HIVEP2: variants seen among roughly 807,000 people sequenced by gnomAD.
HIVEP2 encodes HIVEP zinc finger 2, also known as transcription factor HIVEP2.
A neutral mutation model predicts 180.7 loss-of-function variants in HIVEP2; 14 were observed. The observed-to-expected ratio is 0.08, with a 90% CI of 0.05 to 0.12. The LOEUF is 0.12. HIVEP2 is among the 10% of genes least tolerant of loss of function. The pLI is 1.00. For synonymous variants in HIVEP2, 1,184 were observed against 1,136.4 expected, an observed-to-expected ratio of 1.04 and a Z score of -0.84; for missense variants, 2,579 against 3,008.5, an observed-to-expected ratio of 0.86 and a Z score of 3.34.
In HIVEP2 at chr6:142,753,499, C is replaced by A. The variant is rs759098324; in HGVS notation, c.6949G>T (p.Ala2317Ser). 1.2e-6 allele frequency: 2 copies of A among 1,614,112 alleles called. No individual in the cohort carries two copies. Among genetic ancestry groups the A allele is most frequent in the Non-Finnish European group, 8.5e-7 (1 of 1,180,042 alleles). Reference sequence around the variant, plus strand: ...TTTTCCTCCTGTTCCCGCTCTGTTGCGTTTAGGCTGTCTTCCGAAGTGCTC... The same window carrying A: ...TTTTCCTCCTGTTCCCGCTCTGTTGAGTTTAGGCTGTCTTCCGAAGTGCTC... ...KQSTSEDSLNATEREQEENIQ... is the reference protein window; with the variant it reads ...KQSTSEDSLNSTEREQEENIQ... Residue 2317 changes from alanine (A) to serine (S), a missense_variant, in exon 10 of 10, where the codon GCA (alanine) becomes TCA (serine). By Grantham distance (99) the Ala-to-Ser change is moderately conservative. This residue lies in a region of HIVEP2 where 660 missense variants were observed against 731.7 expected (regional missense o/e 0.90). Coordinates refer to ENST00000367603, the MANE Select transcript of HIVEP2 (RefSeq NM_006734.4).
chr6:142,913,764 G>C (rs1175599685), intron 1 of HIVEP2, among the ~76,000 whole-genome samples: 2 of 152,180 alleles, frequency 1.3e-5, no homozygotes, highest in African/African-American at 2.4e-5. Context: ...CACAAGAAAA[G>C]TCACCCACTC....
chr6:142,917,456 C>T (rs1485649098), intron 1 of HIVEP2, among the ~76,000 whole-genome samples: 1 of 152,130 alleles, frequency 6.6e-6, no homozygotes, highest in Non-Finnish European at 1.5e-5. Context: ...CAAGTGGCAA[C>T]AATTCTGAGT....
chr6:142,832,014 A>G (rs1273873604), intron 2 of HIVEP2, among the ~76,000 whole-genome samples: 1 of 152,050 alleles, frequency 6.6e-6, no homozygotes, highest in African/African-American at 2.4e-5. Context: ...CAACATAGTG[A>G]AACTCCATCT....
chr6:142,902,971 A>G (rs1777168891), intron 1 of HIVEP2, among the ~76,000 whole-genome samples: 1 of 152,226 alleles, frequency 6.6e-6, no homozygotes. Context: ...AAATATCTCA[A>G]CGCTGAACTA....
At chr6:142,942,003 C>A (rs568740617) in intron 1 of HIVEP2, among the ~76,000 whole-genome samples, 2 of 152,214 alleles carry the variant, frequency 1.3e-5, no homozygotes, top group African/African-American at 4.8e-5. Context: ...GCCATATATC[C>A]GATTGACCTT....
chr6:142,805,092 G>T (rs569804711), intron 2 of HIVEP2, among the ~76,000 whole-genome samples: 6 of 152,218 alleles, frequency 3.9e-5, no homozygotes, highest in Admixed American at 6.5e-5. Context: ...CCTTCAAGAT[G>T]AACTAGATGC....
intron 1 of HIVEP2, among the ~76,000 whole-genome samples, chr6:142,918,888 T>C (rs1448545677): frequency 3.3e-5 from 5 of 152,218 alleles, no homozygotes; most frequent in African/African-American, 4.8e-5. Context: ...ATTCCCACTA[T>C]AATTTTTTAA....
intron 1 of HIVEP2, among the ~76,000 whole-genome samples, chr6:142,909,818 A>C (rs1172322984): frequency 6.6e-6 from 1 of 152,176 alleles, no homozygotes; most frequent in African/African-American, 2.4e-5. Context: ...AAAGATCAAA[A>C]AATAGCTACT....
rs903392947 is a variant in HIVEP2, at chr6:142,907,949, A to G, written c.-641+37150T>C. 2.6e-5 allele frequency among the ~76,000 whole-genome samples: 4 copies of G among 152,336 alleles called. No individual in the cohort carries two copies. The South Asian group carries it at 6.2e-4, about 24-fold the overall frequency. ...AAATTTCAAGCCACTCCATTACTCA[A>G]AAATCTTCCTCAGCTCTCTCTTACC... is the stretch of plus-strand genomic sequence containing the variant. On this transcript the variant is annotated intron_variant, in intron 1 of 9. Coordinates refer to ENST00000367603, the MANE Select transcript of HIVEP2 (RefSeq NM_006734.4).
In HIVEP2 at chr6:142,763,772, T is replaced by C. The variant is rs986891305; in HGVS notation, c.5518+1027A>G. On this transcript the variant is annotated intron_variant, in intron 7 of 9. Transcript: ENST00000367603. ...GGTATTTAAAAGGCCATATGATTAT[T>C]TTTTGAGACACAAATGAACACATAC... Among the ~76,000 whole-genome samples the C allele has an allele frequency of 3.9e-5, 6 of 152,222 alleles. No homozygotes were observed. The East Asian group carries it at 1.2e-3, about 29-fold the overall frequency.
chr6:142,767,074 T>C (rs1189801863), intron 6 of HIVEP2, among the ~76,000 whole-genome samples: 1 of 152,022 alleles, frequency 6.6e-6, no homozygotes, highest in African/African-American at 2.4e-5. Flanking sequence ...AACACAGCAA[T>C]AAAATGTTCA....
chr6:142,841,543 A>T (rs533136372), intron 1 of HIVEP2, among the ~76,000 whole-genome samples: 2 of 151,948 alleles, frequency 1.3e-5, no homozygotes, highest in African/African-American at 4.8e-5. Context: ...TCAAATGTTC[A>T]TCGATATTTT....
In HIVEP2 at chr6:142,792,157, T is replaced by C. The variant is rs369523627; in HGVS notation, c.-527-8542A>G. ...GTTGGCAGACACAGAGAGACATCAG[T>C]GGTTCTGAGAAGACAACTGCCACAG... is the stretch of plus-strand genomic sequence containing the variant. On this transcript the variant is annotated intron_variant, in intron 2 of 9. Coordinates refer to ENST00000367603, the MANE Select transcript of HIVEP2 (RefSeq NM_006734.4). Among the ~76,000 whole-genome samples the C allele has an allele frequency of 8.6e-5, 13 of 152,036 alleles. 2 individuals are homozygous for C. The South Asian group carries it at 2.7e-3, about 32-fold the overall frequency.
At chr6:142,941,747 T>C (rs1200901235) in intron 1 of HIVEP2, among the ~76,000 whole-genome samples, 1 of 152,198 alleles carries the variant, frequency 6.6e-6, no homozygotes, top group East Asian at 1.9e-4. Flanking sequence ...ACTTTAAAAG[T>C]TGTAACAGTT....
At chr6:142,794,549 T>C (rs1312293551) in intron 2 of HIVEP2, among the ~76,000 whole-genome samples, 2 of 152,226 alleles carry the variant, frequency 1.3e-5, no homozygotes, top group East Asian at 3.8e-4. Flanking sequence ...GGAGCACTAA[T>C]TATTTTTGCT....
intron 1 of HIVEP2, among the ~76,000 whole-genome samples, chr6:142,858,519 C>T (rs1029477156): frequency 6.6e-6 from 1 of 152,116 alleles, no homozygotes; most frequent in Admixed American, 6.5e-5. Flanking sequence ...AGAATAAATG[C>T]CCCCCTCCCT....
rs1351319709 is a variant in HIVEP2, at chr6:142,751,539, G to T, written c.*1568C>A. On this transcript the variant is annotated 3_prime_UTR_variant, in exon 10 of 10. Coordinates refer to ENST00000367603, the MANE Select transcript of HIVEP2 (RefSeq NM_006734.4). Reference sequence around the variant, plus strand: ...TAATGTAATTCAATATACAAACTTGGTTTCACAGAATTATAATCCACTATA... The same window carrying T: ...TAATGTAATTCAATATACAAACTTGTTTTCACAGAATTATAATCCACTATA... 3 of 152,632 alleles carry T rather than the reference G, an allele frequency of 2.0e-5. No homozygotes were observed. Among genetic ancestry groups the T allele is most frequent in the Non-Finnish European group, 4.4e-5 (3 of 68,030 alleles). 9.5% of individuals were successfully genotyped at this position (152,632 alleles called of 1,614,324 possible). A position where few individuals can be genotyped will look rare whatever the true frequency, so the allele number is the denominator to read the frequency against.
At chr6:142,925,625 T>G (rs1473601247) in intron 1 of HIVEP2, among the ~76,000 whole-genome samples, 2 of 152,236 alleles carry the variant, frequency 1.3e-5, no homozygotes, top group African/African-American at 4.8e-5. Flanking sequence ...AAGCTGAAAG[T>G]TTCCCAAGAA....
chr6:142,823,209 C>T (rs1459003313), intron 2 of HIVEP2, among the ~76,000 whole-genome samples: 10 of 152,202 alleles, frequency 6.6e-5, no homozygotes, highest in African/African-American at 2.4e-4. Flanking sequence ...GTCCATACTT[C>T]CAGGAAAGAG....
Sources: allele counts gnomAD v4.1 joint callset (sites outside exome capture counted in the v4.1 genomes callset), GRCh38; gene constraint gnomAD v4.1.1; regional missense constraint gnomAD v4.1.1; transcripts MANE v1.5; gene names NCBI Gene and HGNC (gene_info 2026-07-23, HGNC 2026-07-21).